Variants in WDR70 observed in about 807,000 individuals in gnomAD.
WDR70 encodes WD repeat domain 70.
WDR70 carries 53 observed loss-of-function variants against 88.6 expected under a neutral mutation model. The observed-to-expected ratio is 0.60, with a 90% CI of 0.48 to 0.75. The LOEUF (loss-of-function observed/expected upper bound fraction) is 0.75, where lower values mean the gene tolerates loss of function less well. Ranked by LOEUF, WDR70 falls within the 30% of genes least tolerant of loss-of-function variation. The probability of loss-of-function intolerance (pLI) is 0.00; values close to 1 mark genes in which losing one functional copy is unlikely to be tolerated. For synonymous variants in WDR70, 280 were observed against 270.0 expected (o/e 1.04, Z -0.36); for missense variants, 610 against 823.2 (o/e 0.74, Z 3.17).
At chr5:37,537,375 G>A (rs946968031) in intron 9 of WDR70, among the ~76,000 whole-genome samples, 4 of 152,140 alleles carry the variant, frequency 2.6e-5, no homozygotes, top group Admixed American at 2.6e-4. Flanking sequence ...CTGTGGGCTT[G>A]TAAATATAAT....
chr5:37,564,207 T>C (rs1742659573), intron 9 of WDR70, among the ~76,000 whole-genome samples: 2 of 151,464 alleles, frequency 1.3e-5, no homozygotes, highest in Admixed American at 1.3e-4. Context: ...CGAGCCGAGA[T>C]CACGCCACTG....
At chr5:37,659,756 G>T (rs1745653957) in intron 10 of WDR70, among the ~76,000 whole-genome samples, 1 of 152,280 alleles carries the variant, frequency 6.6e-6, no homozygotes, top group South Asian at 2.1e-4. Context: ...ATGGAGTGGA[G>T]TAGGGAGGGA....
intron 7 of WDR70, among the ~76,000 whole-genome samples, chr5:37,457,241 A>T (rs1443020438): frequency 6.6e-6 from 1 of 152,148 alleles, no homozygotes; most frequent in Admixed American, 6.5e-5. Context: ...GAATTCAGGC[A>T]TGCACCACCA....
chr5:37,718,452 C>T (rs1395005366), intron 13 of WDR70, among the ~76,000 whole-genome samples: 4 of 152,148 alleles, frequency 2.6e-5, no homozygotes, highest in Admixed American at 2.0e-4. Flanking sequence ...ACTGCTGAGC[C>T]AGACCTCTAG....
intron 9 of WDR70, among the ~76,000 whole-genome samples, chr5:37,521,884 G>C (rs1283946858): frequency 6.6e-6 from 1 of 152,156 alleles, no homozygotes; most frequent in African/African-American, 2.4e-5. Context: ...ATAGACACCT[G>C]TAGATCCAGT....
At chr5:37,466,852 G>T (rs1253137225) in intron 7 of WDR70, among the ~76,000 whole-genome samples, 2 of 151,984 alleles carry the variant, frequency 1.3e-5, no homozygotes, top group East Asian at 3.9e-4. Context: ...GTAAAGTTCT[G>T]TTGGATAGTG....
intron 8 of WDR70, among the ~76,000 whole-genome samples, chr5:37,501,905 G>A (rs1740414863): frequency 6.6e-6 from 1 of 152,034 alleles, no homozygotes; most frequent in Admixed American, 6.6e-5. Flanking sequence ...CTTTTTCTTA[G>A]AATTGCTTTG....
intron 9 of WDR70, among the ~76,000 whole-genome samples, chr5:37,591,281 C>T (rs1171893570): frequency 4.6e-5 from 7 of 151,720 alleles, no homozygotes; most frequent in African/African-American, 7.3e-5. Context: ...TGCAGTGAGC[C>T]GAGATCACAC....
At chr5:37,466,705 C>CAAAA (rs796359494) in intron 7 of WDR70, among the ~76,000 whole-genome samples, 11 of 65,534 alleles carry the variant, frequency 1.7e-4, no homozygotes, top group African/African-American at 6.7e-4. Flanking sequence ...GACTCCATCT[C>CAAAA]AAAAAAAAAA....
At chr5:37,623,185 G>C (rs1744564282) in intron 10 of WDR70, among the ~76,000 whole-genome samples, 3 of 152,074 alleles carry the variant, frequency 2.0e-5, no homozygotes. Context: ...GAGATTCACT[G>C]CTATTTAATG....
chr5:37,698,198 A>G (rs1270208983), intron 11 of WDR70, among the ~76,000 whole-genome samples: 4 of 152,220 alleles, frequency 2.6e-5, no homozygotes, highest in East Asian at 3.9e-4. Context: ...AAAAAAGTCT[A>G]TATCTAGATG....
intron 9 of WDR70, among the ~76,000 whole-genome samples, chr5:37,574,286 T>G (rs956041801): frequency 1.3e-5 from 2 of 152,158 alleles, no homozygotes; most frequent in Non-Finnish European, 2.9e-5. Flanking sequence ...GCAAAGCAGA[T>G]CCTAAGGTGT....
rs569280003 is a variant in WDR70 at position 37,413,575 on chromosome 5, C to G, written c.492+17005C>G. 8.6e-5 allele frequency among the ~76,000 whole-genome samples: 13 copies of G among 151,878 alleles called. No individual in the cohort carries two copies. The South Asian group carries it at 1.3e-3, about 15-fold the overall frequency. ...GTCTCTACTAAAAATAGAAAAATTA[C>G]CTGGGCATGGTGGCGTGTGCCTGTG... On this transcript the variant is annotated intron_variant, in intron 5 of 17. Transcript: ENST00000265107.
At chr5:37,496,761 A>G (rs761471514) in intron 8 of WDR70, among the ~76,000 whole-genome samples, 1 of 152,226 alleles carries the variant, frequency 6.6e-6, no homozygotes, top group Non-Finnish European at 1.5e-5. Flanking sequence ...TATGGTTCTA[A>G]GGATGGAATT....
chr5:37,467,239 A>AC lies in WDR70; in HGVS notation c.687-12594dup, dbSNP rs1184679318. Among the ~76,000 whole-genome samples the AC allele has an allele frequency of 3.3e-5, 5 of 150,850 alleles. No individual in the cohort carries two copies. In the East Asian group the frequency reaches 9.7e-4, roughly 29 times the overall value. Reference sequence around the variant, plus strand: ...GAGACTCTGTCTCAAAAAAAAAAAAACAAAAAAAGAAAAAACAAGAGATAT... The same window carrying AC: ...GAGACTCTGTCTCAAAAAAAAAAAAACCAAAAAAAGAAAAAACAAGAGATAT... On this transcript the variant is annotated intron_variant, in intron 7 of 17. Coordinates refer to ENST00000265107, the MANE Select transcript of WDR70 (RefSeq NM_018034.4).
chr5:37,687,619 G>A (rs1016318569), intron 10 of WDR70, among the ~76,000 whole-genome samples: 19 of 152,266 alleles, frequency 1.2e-4, no homozygotes, highest in African/African-American at 4.6e-4. Flanking sequence ...ACACGTAGCA[G>A]ATGAATATTT....
chr5:37,655,856 C>G (rs1248722494), intron 10 of WDR70, among the ~76,000 whole-genome samples: 1 of 151,830 alleles, frequency 6.6e-6, no homozygotes, highest in African/African-American at 2.4e-5. Flanking sequence ...TTTCAAGGTT[C>G]TTAGTTTCCT....
At chr5:37,721,288 T>G in intron 14 of WDR70, 73 bp downstream of exon 14, 1 of 1,332,340 alleles carries the variant, frequency 7.5e-7, no homozygotes, top group Non-Finnish European at 1.1e-6. Context: ...CCACCCCCGC[T>G]TTTATTTATT....
chr5:37,653,372 G>A (rs1222554047), intron 10 of WDR70, among the ~76,000 whole-genome samples: 1 of 152,186 alleles, frequency 6.6e-6, no homozygotes, highest in Non-Finnish European at 1.5e-5. Context: ...TTGCTTTGAT[G>A]TTCATCAGGG....
Sources: gnomAD v4.1 joint callset for allele counts (sites outside exome capture counted in the v4.1 genomes callset) on GRCh38, gnomAD v4.1.1 for gene constraint, MANE v1.5 for transcripts, NCBI Gene and HGNC (gene_info 2026-07-23, HGNC 2026-07-21) for gene names.